Variants in CDC25C observed in about 807,000 individuals in gnomAD.
CDC25C encodes the protein M-phase inducer phosphatase 3.
In CDC25C, 48 loss-of-function variants were observed where a neutral mutation model predicts 52.5. The ratio of observed to expected loss-of-function variants is 0.91; its 90% CI spans 0.72 to 1.16. The LOEUF (loss-of-function observed/expected upper bound fraction) is 1.16. Ranked by LOEUF, CDC25C falls within the 50% of genes most tolerant of loss-of-function variation. The pLI, the probability that CDC25C is intolerant of heterozygous loss-of-function variation, is 0.00. For missense variants in CDC25C, 510 were observed against 566.1 expected (o/e 0.90, Z 1.01); for synonymous variants, 187 against 206.5 (o/e 0.91, Z 0.81).
intron 7 of CDC25C, among the ~76,000 whole-genome samples, chr5:138,315,944 C>T (rs1299278814): frequency 6.6e-6 from 1 of 152,200 alleles, no homozygotes; most frequent in Non-Finnish European, 1.5e-5. Flanking sequence ...GGCAGGAGCT[C>T]CCCTGGTGCT....
At chr5:138,334,818 T>C, upstream of CDC25C, among the ~76,000 whole-genome samples, 1 of 152,388 alleles carries the variant, frequency 6.6e-6, no homozygotes, top group Non-Finnish European at 1.5e-5. Context: ...AGAATTATTT[T>C]AAAGGGAAGT....
At chr5:138,322,201 C>T (rs1414188697) in intron 6 of CDC25C, among the ~76,000 whole-genome samples, 1 of 151,692 alleles carries the variant, frequency 6.6e-6, no homozygotes, top group Non-Finnish European at 1.5e-5. Flanking sequence ...CAGGGTTTCA[C>T]CATGTTAGCC....
chr5:138,290,040 C>T (rs944978485), intron 9 of CDC25C, among the ~76,000 whole-genome samples: 1 of 151,948 alleles, frequency 6.6e-6, no homozygotes, highest in Non-Finnish European at 1.5e-5. Flanking sequence ...GTACTCCAGC[C>T]TGGGCAACAG....
chr5:138,325,982 A>C (rs1265829949), intron 5 of CDC25C, 39 bp downstream of exon 5: 1 of 1,613,648 alleles, frequency 6.2e-7, no homozygotes, highest in Non-Finnish European at 8.5e-7. Flanking sequence ...CTCCCACCTG[A>C]AAAGCAAAAC....
intron 1 of CDC25C, chr5:138,337,543 G>C (rs1417407054): frequency 9.9e-6 from 2 of 202,938 alleles, no homozygotes; most frequent in Non-Finnish European, 2.0e-5. Flanking sequence ...TCATCCTGCT[G>C]GGGGGGAGGG....
intron 6 of CDC25C, among the ~76,000 whole-genome samples, chr5:138,321,719 T>C (rs1411803983): frequency 2.6e-5 from 3 of 113,682 alleles, no homozygotes; most frequent in African/African-American, 1.1e-4. Context: ...ACCACTGCAC[T>C]CCAGCCTGGT....
chr5:138,325,592 AAAT>A (rs1379950848), intron 6 of CDC25C, among the ~76,000 whole-genome samples: 1 of 152,190 alleles, frequency 6.6e-6, no homozygotes, highest in Non-Finnish European at 1.5e-5. Context: ...TGAACATGAG[AAAT>A]AATGATGACC....
upstream of CDC25C, among the ~76,000 whole-genome samples, chr5:138,334,248 T>G (rs1319541453): frequency 6.6e-6 from 1 of 150,914 alleles, no homozygotes; most frequent in Admixed American, 6.6e-5. Context: ...TTAAGACTTT[T>G]TACAGATGCA....
chr5:138,308,280 T>C (rs554066726), intron 7 of CDC25C, among the ~76,000 whole-genome samples: 1 of 152,354 alleles, frequency 6.6e-6, no homozygotes, highest in East Asian at 1.9e-4. Flanking sequence ...ATGAAAGATC[T>C]TCAATCACCA....
chr5:138,317,066 C>A (rs1758933491), intron 7 of CDC25C, among the ~76,000 whole-genome samples: 1 of 152,072 alleles, frequency 6.6e-6, no homozygotes, highest in African/African-American at 2.4e-5. Context: ...CCAGCTTGGG[C>A]AACACATCAA....
intron 7 of CDC25C, among the ~76,000 whole-genome samples, chr5:138,307,248 A>G (rs1386884299): frequency 3.3e-5 from 5 of 151,996 alleles, no homozygotes; most frequent in Non-Finnish European, 5.9e-5. Flanking sequence ...TCACACCTGT[A>G]ACCCTAGCAC....
chr5:138,316,888 T>A (rs1758918288), intron 7 of CDC25C, among the ~76,000 whole-genome samples: 1 of 152,070 alleles, frequency 6.6e-6, no homozygotes, highest in South Asian at 2.1e-4. Flanking sequence ...TAACACTCAA[T>A]AAAGCTTCTC....
rs550422966 is a variant in CDC25C, at chr5:138,292,375, T to C, written c.616-259A>G. ...TGGACTGCATGATATTCCATCTCCA[T>C]GGACGTCTTAACTAGCCAAACCAAA... On this transcript the variant is annotated intron_variant, in intron 7 of 13. Transcript: ENST00000323760. Among the ~76,000 whole-genome samples, 5 of 150,528 alleles carry C rather than the reference T, an allele frequency of 3.3e-5. No homozygotes were observed. The South Asian group carries it at 1.0e-3, about 32-fold the overall frequency.
chr5:138,330,984 T>C lies in CDC25C; in HGVS notation c.194+3A>G. 1 of 1,593,212 alleles carries C rather than the reference T, an allele frequency of 6.3e-7. No individual in the cohort carries two copies. On this transcript the variant is annotated splice_donor_region_variant and intron_variant, in intron 2 of 13. Coordinates refer to ENST00000323760, the MANE Select transcript of CDC25C (RefSeq NM_001790.5). Reference sequence around the variant, plus strand: ...TACAGTGTAAAAATAAAAGTATATTTACCCAGACAAAATGCTTAGGTTTGC... The same window carrying C: ...TACAGTGTAAAAATAAAAGTATATTCACCCAGACAAAATGCTTAGGTTTGC...
At chr5:138,313,364 C>G (rs1175604927) in intron 7 of CDC25C, among the ~76,000 whole-genome samples, 1 of 105,958 alleles carries the variant, frequency 9.4e-6, no homozygotes, top group Non-Finnish European at 1.7e-5. Context: ...GGCGACAGAG[C>G]AAGACTATAT....
At chr5:138,297,361 T>C (rs1041575867) in intron 7 of CDC25C, among the ~76,000 whole-genome samples, 2 of 152,164 alleles carry the variant, frequency 1.3e-5, no homozygotes, top group African/African-American at 4.8e-5. Context: ...GTGCCCGGCC[T>C]AGTTCTTTAT....
chr5:138,337,852 G>C (rs1343290587), intron 1 of CDC25C: 18 of 718,488 alleles, frequency 2.5e-5, no homozygotes, highest in Middle Eastern at 9.6e-4. Context: ...CAGCAGAGCA[G>C]GTGAGGGGCA....
At chr5:138,288,077 T>C (rs904053580) in intron 10 of CDC25C, among the ~76,000 whole-genome samples, 6 of 151,092 alleles carry the variant, frequency 4.0e-5, no homozygotes, top group Admixed American at 2.0e-4. Context: ...ATCATGATCC[T>C]TTTTTTTTGT....
chr5:138,337,996 C>T, exon 1 of CDC25C: 2 of 1,289,596 alleles, frequency 1.6e-6, no homozygotes, highest in Non-Finnish European at 2.0e-6. Flanking sequence ...TCAAGATGTG[C>T]CTCCAACTGG....
Sources: gnomAD v4.1 joint callset for allele counts (sites outside exome capture counted in the v4.1 genomes callset) on GRCh38, gnomAD v4.1.1 for gene constraint, MANE v1.5 for transcripts, NCBI Gene and HGNC (gene_info 2026-07-23, HGNC 2026-07-21) for gene names.